Variants in LDAH observed in about 807,000 individuals in gnomAD.
The protein encoded by LDAH is lipid droplet-associated hydrolase.
In LDAH, 26 loss-of-function variants were observed where a neutral mutation model predicts 29.6. The observed-to-expected ratio is 0.88, with a 90% CI of 0.64 to 1.22. LDAH has a LOEUF of 1.22. Among genes scored for constraint, LDAH ranks in the 50% most tolerant of loss-of-function variants. LDAH has a pLI of 0.00. For missense variants in LDAH, 344 were observed against 387.3 expected, an observed-to-expected ratio of 0.89 and a Z score of 0.94; for synonymous variants, 117 against 133.0, an observed-to-expected ratio of 0.88 and a Z score of 0.83.
intron 4 of LDAH, among the ~76,000 whole-genome samples, chr2:20,742,306 A>G (rs1447481621): frequency 1.3e-5 from 2 of 152,240 alleles, no homozygotes; most frequent in Non-Finnish European, 2.9e-5. Context: ...GACGTCAATT[A>G]TATCAAGTTG....
chr2:20,723,621 A>C (rs1558413560), intron 5 of LDAH, among the ~76,000 whole-genome samples: 1 of 152,164 alleles, frequency 6.6e-6, no homozygotes, highest in East Asian at 1.9e-4. Context: ...ATAGAACACC[A>C]GCTTCTTTTC....
At chr2:20,758,044 G>A (rs1668452391) in intron 4 of LDAH, among the ~76,000 whole-genome samples, 1 of 152,110 alleles carries the variant, frequency 6.6e-6, no homozygotes, top group African/African-American at 2.4e-5. Context: ...CATCCCATTG[G>A]TTGTTTCTCT....
At chr2:20,721,420 T>C (rs746243146) in intron 5 of LDAH, among the ~76,000 whole-genome samples, 1 of 152,062 alleles carries the variant, frequency 6.6e-6, no homozygotes, top group Admixed American at 6.6e-5. Context: ...AAACCAAGAC[T>C]ACAAATTAAG....
chr2:20,792,433 T>C (rs575957760), intron 2 of LDAH, among the ~76,000 whole-genome samples: 36 of 152,186 alleles, frequency 2.4e-4, no homozygotes, highest in Non-Finnish European at 4.6e-4. Context: ...ATCACATATA[T>C]GGTAAGTGCT....
At chr2:20,682,777 TGGA>T (rs1278106754), downstream of LDAH, among the ~76,000 whole-genome samples, 5 of 152,186 alleles carry the variant, frequency 3.3e-5, no homozygotes, top group Non-Finnish European at 7.3e-5. Context: ...ACACGAACTT[TGGA>T]GGACATGTGC....
chr2:20,762,667 C>A (rs963584519), intron 4 of LDAH, among the ~76,000 whole-genome samples: 2 of 152,188 alleles, frequency 1.3e-5, no homozygotes, highest in African/African-American at 4.8e-5. Flanking sequence ...GGTAGGCACA[C>A]ACTTTTTGAT....
intron 5 of LDAH, among the ~76,000 whole-genome samples, chr2:20,736,938 T>A (rs1053252277): frequency 6.6e-6 from 1 of 152,238 alleles, no homozygotes; most frequent in African/African-American, 2.4e-5. Context: ...TTAATAAATT[T>A]ATACATTTTT....
intron 5 of LDAH, among the ~76,000 whole-genome samples, chr2:20,721,119 T>C (rs1665617897): frequency 6.6e-6 from 1 of 151,818 alleles, no homozygotes; most frequent in Non-Finnish European, 1.5e-5. Flanking sequence ...AAGCGAAAAA[T>C]AGACAAATGG....
intron 4 of LDAH, among the ~76,000 whole-genome samples, chr2:20,770,698 G>A (rs1669353668): frequency 6.6e-6 from 1 of 152,118 alleles, no homozygotes; most frequent in South Asian, 2.1e-4. Context: ...TGAGTCACAC[G>A]AACTTAGCAG....
intron 3 of LDAH, among the ~76,000 whole-genome samples, chr2:20,781,991 T>C (rs1340169980): frequency 6.6e-6 from 1 of 152,180 alleles, no homozygotes; most frequent in African/African-American, 2.4e-5. Flanking sequence ...AAGATGTCAA[T>C]TTACAATAAG....
At chr2:20,809,037 C>T (rs1235279496) in intron 1 of LDAH, among the ~76,000 whole-genome samples, 2 of 152,034 alleles carry the variant, frequency 1.3e-5, no homozygotes. Flanking sequence ...TTGGAACATA[C>T]CTTTATGAGC....
At chr2:20,710,629 T>TACAG (rs1553336580) in intron 5 of LDAH, among the ~76,000 whole-genome samples, 1 of 135,372 alleles carries the variant, frequency 7.4e-6, no homozygotes, top group East Asian at 2.2e-4. Flanking sequence ...TAGATATATA[T>TACAG]ATATAGATAT....
At chr2:20,805,303 G>T (rs1671986301) in intron 1 of LDAH, among the ~76,000 whole-genome samples, 1 of 152,080 alleles carries the variant, frequency 6.6e-6, no homozygotes, top group Admixed American at 6.6e-5. Context: ...TAAAATGCTG[G>T]CTAGCTGCTG....
intron 1 of LDAH, among the ~76,000 whole-genome samples, chr2:20,816,948 A>G (rs114754945): frequency 0.038 from 5,732 of 152,158 alleles, 362 homozygotes; most frequent in African/African-American, 0.13. Context: ...AAACTAAATG[A>G]CACACTCCCA....
At chr2:20,806,012 A>G (rs1347425340) in intron 1 of LDAH, among the ~76,000 whole-genome samples, 2 of 152,270 alleles carry the variant, frequency 1.3e-5, no homozygotes, top group East Asian at 3.9e-4. Flanking sequence ...TTCAGCAAAC[A>G]GTAAAATGTC....
intron 5 of LDAH, among the ~76,000 whole-genome samples, chr2:20,719,224 G>GT (rs61437825): frequency 0.21 from 27,639 of 130,414 alleles, 3,053 homozygotes; most frequent in African/African-American, 0.3. Context: ...AAATGAAAAA[G>GT]TTTTTTTTTT....
chr2:20,771,552 T>C (rs1167611692), intron 4 of LDAH, among the ~76,000 whole-genome samples: 1 of 152,198 alleles, frequency 6.6e-6, no homozygotes, highest in Non-Finnish European at 1.5e-5. Flanking sequence ...TGCGGTGTCT[T>C]AGAGTAGCCC....
rs114767756 is a variant in LDAH at position 20,688,124 on chromosome 2, C to T, written c.787-1030G>A. ...AGGAACCTGGAAAATAGAGATAAGA[C>T]AGTCTTGGGGGGAGGGGAGAAGGGG... On this transcript the variant is annotated intron_variant, in intron 6 of 6. Coordinates refer to ENST00000237822, the MANE Select transcript of LDAH (RefSeq NM_021925.4). 3.7e-3 allele frequency among the ~76,000 whole-genome samples: 561 copies of T among 152,244 alleles called. 2 individuals carry two copies. The highest frequency in any genetic ancestry group is 0.012 in the African/African-American group (514 of 41,536).
intron 4 of LDAH, among the ~76,000 whole-genome samples, chr2:20,764,414 G>A (rs1438237691): frequency 6.6e-6 from 1 of 152,212 alleles, no homozygotes; most frequent in Non-Finnish European, 1.5e-5. Context: ...AAACTACTAT[G>A]CACTATGTTT....
Sources: gnomAD v4.1 joint callset for allele counts (sites outside exome capture counted in the v4.1 genomes callset) on GRCh38, gnomAD v4.1.1 for gene constraint, MANE v1.5 for transcripts, NCBI Gene and HGNC (gene_info 2026-07-23, HGNC 2026-07-21) for gene names.